The following FAM53A variants were observed in gnomAD, a reference collection of about 807,000 sequenced individuals.
FAM53A encodes the protein protein FAM53A.
A neutral mutation model predicts 26.6 loss-of-function variants in FAM53A; 28 were observed. That is an observed-to-expected ratio of 1.05 (90% CI 0.78 to 1.45). The LOEUF (loss-of-function observed/expected upper bound fraction) is 1.45. Ranked by LOEUF, FAM53A falls within the 40% of genes most tolerant of loss-of-function variation. The probability of loss-of-function intolerance (pLI) is 0.00; values close to 1 mark genes in which losing one functional copy is unlikely to be tolerated. For synonymous variants in FAM53A, 290 were observed against 253.1 expected (o/e 1.15, Z -1.38); for missense variants, 650 against 575.8 (o/e 1.13, Z -1.32).
chr4:1,653,459 C>T (rs62287698), intron 4 of FAM53A, among the ~76,000 whole-genome samples: 39,820 of 152,120 alleles, frequency 0.26, 6,092 homozygotes, highest in Middle Eastern at 0.42. Context: ...CGTGCTGAGC[C>T]GGCAGCTCCC....
chr4:1,673,361 C>A (rs946432909), intron 1 of FAM53A, among the ~76,000 whole-genome samples: 1 of 152,216 alleles, frequency 6.6e-6, no homozygotes, highest in Non-Finnish European at 1.5e-5. Context: ...GATGTGAACG[C>A]CTGGAGGGTC....
chr4:1,682,493 C>T (rs1715515925), intron 1 of FAM53A, among the ~76,000 whole-genome samples: 1 of 152,060 alleles, frequency 6.6e-6, no homozygotes, highest in African/African-American at 2.4e-5. Flanking sequence ...GATCTCCTGA[C>T]CTCGTGATCT....
intron 1 of FAM53A, chr4:1,683,566 A>G (rs1382834571): frequency 6.6e-6 from 1 of 152,248 alleles, no homozygotes; most frequent in Non-Finnish European, 1.5e-5. Context: ...ATCCATCCGT[A>G]CTGGGAGATA....
intron 1 of FAM53A, chr4:1,683,425 A>C (rs1715593227): frequency 6.6e-6 from 1 of 152,190 alleles, no homozygotes. Flanking sequence ...TCGTTTTAAG[A>C]CTAGTCAAGT....
chr4:1,644,185 G>A (rs754840564), intron 4 of FAM53A: 149 of 1,535,508 alleles, frequency 9.7e-5, no homozygotes, highest in Non-Finnish European at 1.3e-4. Flanking sequence ...GGGACGCTAC[G>A]CACCTTCAGG....
chr4:1,602,090 C>A, the FAM53A span, among the ~76,000 whole-genome samples: 1 of 152,098 alleles, frequency 6.6e-6, no homozygotes, highest in Non-Finnish European at 1.5e-5. Context: ...GGCACCAGGG[C>A]TGGTTCATGG....
chr4:1,624,008 G>A (rs987074177), intron 1 of FAM53A, among the ~76,000 whole-genome samples: 4 of 152,192 alleles, frequency 2.6e-5, no homozygotes, highest in African/African-American at 7.2e-5. Context: ...CCTGGGGCGG[G>A]TGTGAGGCCT....
chr4:1,654,366 A>G (rs1232200794), intron 4 of FAM53A, among the ~76,000 whole-genome samples: 1 of 151,972 alleles, frequency 6.6e-6, no homozygotes, highest in Non-Finnish European at 1.5e-5. Context: ...TCCTTCCTTA[A>G]CTCTGTGCCA....
At chr4:1,671,115 C>T (rs1714613741) in intron 1 of FAM53A, among the ~76,000 whole-genome samples, 1 of 144,704 alleles carries the variant, frequency 6.9e-6, no homozygotes, top group Non-Finnish European at 1.5e-5. Flanking sequence ...AGCGTCAGAG[C>T]CACCAGCTCA....
chr4:1,668,969 G>A (rs1714442275), intron 1 of FAM53A, 64 bp from the exon 2 acceptor site: 1 of 519,880 alleles, frequency 1.9e-6, no homozygotes, highest in African/African-American at 2.0e-5. Context: ...TGATGTTTCT[G>A]CTACATGTTG....
At chr4:1,666,275 C>A (rs561746963) in intron 2 of FAM53A, among the ~76,000 whole-genome samples, 17 of 140,054 alleles carry the variant, frequency 1.2e-4, no homozygotes, top group African/African-American at 4.4e-4. Flanking sequence ...TAAAATAAAA[C>A]CTGCACCCCC....
intron 2 of FAM53A, among the ~76,000 whole-genome samples, chr4:1,666,381 C>A (rs1245310958): frequency 6.7e-6 from 1 of 149,800 alleles, no homozygotes; most frequent in Middle Eastern, 3.5e-3. Context: ...GCACCTGCAC[C>A]CCCTGTATCT....
At chr4:1,658,412 G>A (rs908995302) in intron 2 of FAM53A, among the ~76,000 whole-genome samples, 5 of 152,232 alleles carry the variant, frequency 3.3e-5, no homozygotes, top group Admixed American at 2.0e-4. Context: ...AGCTGCAGCC[G>A]TCTTTGCAAA....
intron 1 of FAM53A, among the ~76,000 whole-genome samples, chr4:1,628,062 T>G (rs1330936319): frequency 2.4e-3 from 7 of 2,874 alleles, no homozygotes; most frequent in African/African-American, 4.1e-3. Flanking sequence ...CCTCAGGGGG[T>G]GGGTGGCATG....
chr4:1,682,083 C>T (rs899104743), intron 1 of FAM53A, among the ~76,000 whole-genome samples: 8 of 152,162 alleles, frequency 5.3e-5, no homozygotes, highest in African/African-American at 1.9e-4. Context: ...CCACCCACTT[C>T]ATGAGGCTCC....
intron 3 of FAM53A, among the ~76,000 whole-genome samples, chr4:1,656,269 T>A (rs1713372934): frequency 6.6e-6 from 1 of 152,118 alleles, no homozygotes; most frequent in African/African-American, 2.4e-5. Context: ...CCTTCCCAAG[T>A]CTCACTTCCT....
chr4:1,591,635 C>T, the FAM53A span, among the ~76,000 whole-genome samples: 1 of 152,212 alleles, frequency 6.6e-6, no homozygotes, highest in Non-Finnish European at 1.5e-5. Flanking sequence ...GTCCTGGTTC[C>T]TTCTGAGCAC....
the FAM53A span, among the ~76,000 whole-genome samples, chr4:1,602,108 G>A: frequency 0.036 from 5,443 of 152,272 alleles, 267 homozygotes; most frequent in African/African-American, 0.1. Context: ...TGGTGGTGCC[G>A]GCGGCTACAC....
At chr4:1,676,267 G>GC (rs1371624881) in intron 1 of FAM53A, among the ~76,000 whole-genome samples, 1 of 152,094 alleles carries the variant, frequency 6.6e-6, no homozygotes, top group African/African-American at 2.4e-5. Flanking sequence ...CCCGGCTCTG[G>GC]CATCACTCCA....
Sources: allele counts gnomAD v4.1 joint callset (sites outside exome capture counted in the v4.1 genomes callset), GRCh38; gene constraint gnomAD v4.1.1; transcripts MANE v1.5; gene names NCBI Gene and HGNC (gene_info 2026-07-23, HGNC 2026-07-21).